Variants in WDR26 observed in about 807,000 individuals in gnomAD.
WDR26 encodes WD repeat domain 26, also known as WD repeat-containing protein 26.
Under a neutral mutation model 84.1 loss-of-function variants are expected in WDR26, and 5 were observed. The ratio of observed to expected loss-of-function variants is 0.06; its 90% CI spans 0.03 to 0.13. The LOEUF is 0.13. Among genes scored for constraint, WDR26 ranks in the 10% least tolerant of loss-of-function variants. WDR26 has a pLI of 1.00. For synonymous variants in WDR26, 415 were observed against 389.6 expected (o/e 1.07, Z -0.77); for missense variants, 642 against 974.9 (o/e 0.66, Z 4.55).
At chr1:224,415,478 T>TTTTTTTTTTTTA (rs1673873264) in intron 6 of WDR26, among the ~76,000 whole-genome samples, 1 of 82,604 alleles carries the variant, frequency 1.2e-5, no homozygotes, top group African/African-American at 4.0e-5. Context: ...TTTTTTTTTT[T>TTTTTTTTTTTTA]GAGACGGAGT....
At chr1:224,390,009 GAAACTTTC>G in intron 13 of WDR26, 149 bp from the exon 14 acceptor site, 1 of 596,486 alleles carries the variant, frequency 1.7e-6, no homozygotes, top group Non-Finnish European at 2.9e-6. Flanking sequence ...GCAAATTCTT[GAAACTTTC>G]ATCATACTCA....
chr1:224,406,808 T>C (rs1673579103), intron 7 of WDR26, among the ~76,000 whole-genome samples: 1 of 152,066 alleles, frequency 6.6e-6, no homozygotes, highest in African/African-American at 2.4e-5. Context: ...GCTTTTAAAC[T>C]GAAGACAAAC....
intron 7 of WDR26, among the ~76,000 whole-genome samples, chr1:224,410,649 T>A (rs1477587015): frequency 6.6e-6 from 1 of 151,454 alleles, no homozygotes; most frequent in Non-Finnish European, 1.5e-5. Flanking sequence ...GAGTCTTTTC[T>A]AACTTGTGGT....
intron 6 of WDR26, chr1:224,413,187 A>AAAC (rs1279122042): frequency 1.4e-5 from 11 of 776,560 alleles, no homozygotes; most frequent in Admixed American, 8.4e-5. Flanking sequence ...AGATAGTCTC[A>AAAC]AACAACAACA....
intron 6 of WDR26, among the ~76,000 whole-genome samples, chr1:224,416,506 G>A (rs567586429): frequency 4.6e-5 from 7 of 152,312 alleles, no homozygotes; most frequent in African/African-American, 1.7e-4. Flanking sequence ...GATTACAGGC[G>A]TGAGCCACCA....
intron 7 of WDR26, among the ~76,000 whole-genome samples, chr1:224,407,173 A>AT (rs1558426297): frequency 2.5e-5 from 2 of 81,488 alleles, no homozygotes; most frequent in African/African-American, 1.0e-4. Context: ...TATATATATA[A>AT]CTCAAAAACT....
intron 8 of WDR26, chr1:224,402,102 T>C (rs1005808859): frequency 6.6e-6 from 1 of 152,192 alleles, no homozygotes; most frequent in Non-Finnish European, 1.5e-5. Flanking sequence ...TACATGGGGA[T>C]AGTTTTCCTG....
At chr1:224,420,845 G>A (rs1020267406) in intron 4 of WDR26, among the ~76,000 whole-genome samples, 30 of 151,984 alleles carry the variant, frequency 2.0e-4, no homozygotes, top group African/African-American at 6.3e-4. Context: ...TGATCCGCCC[G>A]CCTCGGCCTC....
At chr1:224,410,367 C>T (rs1266710556) in intron 7 of WDR26, among the ~76,000 whole-genome samples, 5 of 151,546 alleles carry the variant, frequency 3.3e-5, no homozygotes, top group Admixed American at 6.6e-5. Flanking sequence ...AATATAGTTC[C>T]TTAACCTATC....
At chr1:224,422,033 T>G (rs967072822) in intron 4 of WDR26, among the ~76,000 whole-genome samples, 1 of 152,162 alleles carries the variant, frequency 6.6e-6, no homozygotes, top group Non-Finnish European at 1.5e-5. Context: ...CCATATCATA[T>G]AGTGAAAAAT....
At position 224,389,715 on chromosome 1, in the gene WDR26, C is replaced by T. The variant is rs1286758679; in HGVS notation, c.*120G>A. The T allele has an allele frequency of 3.6e-6, 4 of 1,102,372 alleles. No homozygotes were observed. The highest frequency in any genetic ancestry group is 3.1e-5 in the African/African-American group (2 of 63,708). 68.3% of individuals were successfully genotyped at this position (1,102,372 alleles called of 1,614,324 possible). A position where few individuals can be genotyped will look rare whatever the true frequency, so the allele number is the denominator to read the frequency against. On this transcript the variant is annotated 3_prime_UTR_variant, in exon 14 of 14. Transcript: ENST00000414423. ...CCCCAATCGGGCTTCAGAAATGGTT[C>T]TTTTTTCATGACGAGCATGTCTGTC... is the stretch of plus-strand genomic sequence containing the variant.
At chr1:224,413,219 A>C (rs1157523101) in intron 6 of WDR26, 2 of 913,548 alleles carry the variant, frequency 2.2e-6, no homozygotes, top group Non-Finnish European at 2.7e-6. Context: ...CCCCCCCCCC[A>C]AAAAAAACGT....
In WDR26 at chr1:224,411,429, G is replaced by T. The variant is rs1673733968; in HGVS notation, c.1456C>A (p.Pro486Thr). The T allele has an allele frequency of 1.2e-6, 2 of 1,608,014 alleles. No homozygotes were observed. Among genetic ancestry groups the T allele is most frequent in the African/African-American group, 2.7e-5 (2 of 74,686 alleles). Reference sequence around the variant, plus strand: ...AACACTCATATTGGGGTACATACCGGATCAACTTGCCATATGATAACTGTT... The same window carrying T: ...AACACTCATATTGGGGTACATACCGTATCAACTTGCCATATGATAACTGTT... Residue 486 changes from proline (P) to threonine (T), a missense_variant and splice_region_variant, in exon 7 of 14, where the codon CCG becomes ACG. This residue lies in a region of WDR26 where 351 missense variants were observed against 672.8 expected (regional missense o/e 0.52). Transcript: ENST00000414423.
chr1:224,389,997 A>G (rs1336003219), intron 13 of WDR26, 137 bp from the exon 14 acceptor site: 1 of 625,012 alleles, frequency 1.6e-6, no homozygotes, highest in East Asian at 3.0e-5. Flanking sequence ...TAAAAAATCA[A>G]AGCAAATTCT....
At chr1:224,399,562 T>C (rs1382348449) in intron 9 of WDR26, among the ~76,000 whole-genome samples, 1 of 152,214 alleles carries the variant, frequency 6.6e-6, no homozygotes, top group Admixed American at 6.5e-5. Flanking sequence ...ATATCCAAAG[T>C]TCTGAGAGGA....
intron 3 of WDR26, chr1:224,430,565 C>G (rs923498706): frequency 6.6e-6 from 1 of 152,114 alleles, no homozygotes; most frequent in Non-Finnish European, 1.5e-5. Context: ...ATGTTTGACT[C>G]AATTTTAAAA....
chr1:224,428,979 A>G (rs1027579809), intron 3 of WDR26, among the ~76,000 whole-genome samples: 3 of 151,834 alleles, frequency 2.0e-5, no homozygotes, highest in Non-Finnish European at 4.4e-5. Context: ...GAAACCATTT[A>G]AACAGCTGGT....
rs921233431 is a variant in WDR26, at chr1:224,424,594, G to A, written c.988C>T (p.Leu330=). The change falls in exon 4 of 14, where the codon CTG becomes TTG. Residue 330 remains leucine, a synonymous_variant. Coordinates refer to ENST00000414423, the MANE Select transcript of WDR26 (RefSeq NM_001379403.1). ...CAGCGTAGAACTTGAAGTGCCTCCA[G>A]GACCTTGCCATCCTCCAGGTATTCT... The A allele has an allele frequency of 1.2e-6, 2 of 1,614,036 alleles. No individual in the cohort carries two copies. Among genetic ancestry groups the A allele is most frequent in the African/African-American group, 2.7e-5 (2 of 74,920 alleles).
chr1:224,389,713 TTC>T lies in WDR26; in HGVS notation c.*120_*121del. On this transcript the variant is annotated 3_prime_UTR_variant, in exon 14 of 14. Transcript: ENST00000414423. ...GGCCCCAATCGGGCTTCAGAAATGGTTCTTTTTTCATGACGAGCATGTCTGTC... is the reference window on the plus strand; with the variant it reads ...GGCCCCAATCGGGCTTCAGAAATGGTTTTTTTCATGACGAGCATGTCTGTC... 9.3e-7 allele frequency: 1 copy of T among 1,075,482 alleles called. No homozygotes were observed. The highest frequency in any genetic ancestry group is 1.4e-6 in the Non-Finnish European group (1 of 708,236). 66.6% of individuals were successfully genotyped at this position (1,075,482 alleles called of 1,614,324 possible).
Sources: gnomAD v4.1 joint callset for allele counts (sites outside exome capture counted in the v4.1 genomes callset) on GRCh38, gnomAD v4.1.1 for gene constraint, gnomAD v4.1.1 regional missense constraint, MANE v1.5 for transcripts, NCBI Gene and HGNC (gene_info 2026-07-23, HGNC 2026-07-21) for gene names.